Variants in ARNT2 observed in about 807,000 individuals in gnomAD.
The protein encoded by ARNT2 is aryl hydrocarbon receptor nuclear translocator 2.
A neutral mutation model predicts 91.7 loss-of-function variants in ARNT2; 36 were observed. That is an observed-to-expected ratio of 0.39 (90% CI 0.30 to 0.52). ARNT2 has a LOEUF of 0.52. Ranked by LOEUF, ARNT2 falls within the 20% of genes least tolerant of loss-of-function variation. The pLI is 0.72. For missense variants in ARNT2, 775 were observed against 939.3 expected (o/e 0.83, Z 2.29); for synonymous variants, 365 against 347.1 (o/e 1.05, Z -0.57).
intron 6 of ARNT2, among the ~76,000 whole-genome samples, chr15:80,510,790 C>CT (rs1897330480): frequency 1.3e-5 from 2 of 151,966 alleles, no homozygotes; most frequent in Admixed American, 6.5e-5. Flanking sequence ...GATCATGCCA[C>CT]GCACTCCAGC....
intron 8 of ARNT2, among the ~76,000 whole-genome samples, chr15:80,527,975 G>A (rs535717970): frequency 4.6e-5 from 7 of 152,280 alleles, no homozygotes; most frequent in Admixed American, 1.3e-4. Context: ...TACACTGAAG[G>A]TTTTAAATTA....
chr15:80,409,028 C>T (rs1223999710), intron 1 of ARNT2, among the ~76,000 whole-genome samples: 1 of 152,130 alleles, frequency 6.6e-6, no homozygotes, highest in Non-Finnish European at 1.5e-5. Context: ...CAACATTCCC[C>T]AGCAGAGTAG....
chr15:80,536,616 T>C (rs1429814590), intron 8 of ARNT2, among the ~76,000 whole-genome samples: 1 of 152,214 alleles, frequency 6.6e-6, no homozygotes, highest in Non-Finnish European at 1.5e-5. Flanking sequence ...GAAAATGATT[T>C]GGGAGCTGCT....
At chr15:80,517,309 A>G (rs1184369164) in intron 8 of ARNT2, among the ~76,000 whole-genome samples, 24 of 152,178 alleles carry the variant, frequency 1.6e-4, no homozygotes, top group Non-Finnish European at 2.9e-5. Flanking sequence ...AGAGAAGTCC[A>G]CATAATTCTC....
intron 8 of ARNT2, among the ~76,000 whole-genome samples, chr15:80,526,533 G>A (rs1850821363): frequency 6.6e-6 from 1 of 152,230 alleles, no homozygotes; most frequent in Non-Finnish European, 1.5e-5. Flanking sequence ...GAAAATGCCA[G>A]GTTAACTGGC....
intron 5 of ARNT2, among the ~76,000 whole-genome samples, chr15:80,495,038 G>A (rs2141414316): frequency 6.6e-6 from 1 of 152,244 alleles, no homozygotes; most frequent in African/African-American, 2.4e-5. Context: ...GGGCCTATTA[G>A]TCGCAATGCT....
At chr15:80,456,374 C>G (rs1274174583) in intron 2 of ARNT2, among the ~76,000 whole-genome samples, 1 of 151,830 alleles carries the variant, frequency 6.6e-6, no homozygotes, top group Non-Finnish European at 1.5e-5. Context: ...AGTTATGTAA[C>G]TCCTTTTGTT....
At chr15:80,566,410 C>A (rs1238270627) in intron 12 of ARNT2, among the ~76,000 whole-genome samples, 6 of 152,212 alleles carry the variant, frequency 3.9e-5, no homozygotes, top group African/African-American at 1.4e-4. Context: ...CCTTCCAGGG[C>A]CAAACTCTGC....
At chr15:80,420,712 G>T (rs148243950) in intron 1 of ARNT2, among the ~76,000 whole-genome samples, 152 of 152,082 alleles carry the variant, frequency 1.0e-3, no homozygotes, top group African/African-American at 3.3e-3. Flanking sequence ...GAATTAGAAT[G>T]AATATATATG....
chr15:80,522,533 A>C (rs1412388051), intron 8 of ARNT2, among the ~76,000 whole-genome samples: 1 of 152,090 alleles, frequency 6.6e-6, no homozygotes, highest in Admixed American at 6.6e-5. Flanking sequence ...CCTACTACAC[A>C]CCTAGGCTAT....
intron 8 of ARNT2, among the ~76,000 whole-genome samples, chr15:80,525,893 G>A (rs1897632655): frequency 6.6e-6 from 1 of 152,184 alleles, no homozygotes; most frequent in South Asian, 2.1e-4. Flanking sequence ...CAATAACTTG[G>A]TTAGGAAGTA....
At position 80,519,945 on chromosome 15, in the gene ARNT2, G is replaced by A. The variant is rs188484457; in HGVS notation, c.877+5540G>A. 1.5e-4 allele frequency among the ~76,000 whole-genome samples: 22 copies of A among 145,628 alleles called. No homozygotes were observed. The East Asian group carries it at 2.8e-3, about 19-fold the overall frequency. On this transcript the variant is annotated intron_variant, in intron 8 of 18. Transcript: ENST00000303329. The stretch of plus-strand genomic sequence containing the variant: ...GATCTCCTGACCTCATGCTCCGCCC[G>A]CTTTGGCCTCCCAAAGTGCTGGGAT...
chr15:80,534,767 C>A (rs1897793733), intron 8 of ARNT2, among the ~76,000 whole-genome samples: 1 of 152,178 alleles, frequency 6.6e-6, no homozygotes, highest in African/African-American at 2.4e-5. Context: ...GACGTCCTCG[C>A]ATTTGAATCA....
intron 2 of ARNT2, 107 bp from the exon 3 acceptor site, chr15:80,457,822 T>G: frequency 8.3e-7 from 1 of 1,204,626 alleles, no homozygotes; most frequent in Non-Finnish European, 1.2e-6. Context: ...TTGGGATCAA[T>G]GGATAGCAGT....
chr15:80,424,433 C>G lies in ARNT2; in HGVS notation c.31+19887C>G, dbSNP rs535317162. 1.1e-4 allele frequency among the ~76,000 whole-genome samples: 17 copies of G among 152,292 alleles called. No homozygotes were observed. In the South Asian group the frequency reaches 3.1e-3, roughly 28 times the overall value. On this transcript the variant is annotated intron_variant, in intron 1 of 18. Coordinates refer to ENST00000303329, the MANE Select transcript of ARNT2 (RefSeq NM_014862.4). ...CCCACTTTTATTGGGAAGATGTCCT[C>G]ATCCAAGATGTTCGGAGGCTGGCCC...
intron 8 of ARNT2, among the ~76,000 whole-genome samples, chr15:80,541,921 T>C (rs1012781407): frequency 6.6e-6 from 1 of 152,210 alleles, no homozygotes; most frequent in Non-Finnish European, 1.5e-5. Flanking sequence ...CCTGGTCACG[T>C]GAGTGGCAAT....
In ARNT2 at chr15:80,593,820, TCC is replaced by T; in HGVS notation, c.*126_*127del. 1 of 867,876 alleles carries T rather than the reference TCC, an allele frequency of 1.2e-6. No homozygotes were observed. The highest frequency in any genetic ancestry group is 1.8e-6 in the Non-Finnish European group (1 of 559,524). The allele number at this position is 867,876 out of a possible 1,614,324, so 53.8% of individuals were successfully genotyped here. On this transcript the variant is annotated 3_prime_UTR_variant, in exon 19 of 19. Coordinates refer to ENST00000303329, the MANE Select transcript of ARNT2 (RefSeq NM_014862.4). ...CGCAGGCCCCCCACCAGAAGCCATCTCCCCCGCTGTGTGTCCCCAGGCGCATC... is the reference window on the plus strand; with the variant it reads ...CGCAGGCCCCCCACCAGAAGCCATCTCCCGCTGTGTGTCCCCAGGCGCATC...
At chr15:80,586,097 G>A (rs1898891937) in intron 17 of ARNT2, among the ~76,000 whole-genome samples, 1 of 152,036 alleles carries the variant, frequency 6.6e-6, no homozygotes, top group South Asian at 2.1e-4. Flanking sequence ...ACTACTGCCA[G>A]GCATCTGCTT....
Position 80,555,094 on chromosome 15 carries a change from C to G in ARNT2, c.1119C>G (p.Phe373Leu). 1 of 1,614,214 alleles carries G rather than the reference C, an allele frequency of 6.2e-7. No homozygotes were observed. The highest frequency in any genetic ancestry group is 8.5e-7 in the Non-Finnish European group (1 of 1,180,046). Residue 373 changes from phenylalanine (F) to leucine (L), a missense_variant, in exon 11 of 19, where the codon TTC becomes TTG. Around this residue, in one of 5 missense-constraint regions of ARNT2, gnomAD observed 285 missense variants for 327.2 expected, o/e 0.87. Transcript: ENST00000303329. ...TTCTGGGAAAGGACATTTTGGAATT[C>G]TGCCACCCTGAGGATCAAAGCCATC... is the stretch of plus-strand genomic sequence containing the variant. ...QDLLGKDILE[F>L]CHPEDQSHLR...
Sources: allele counts gnomAD v4.1 joint callset (sites outside exome capture counted in the v4.1 genomes callset), GRCh38; gene constraint gnomAD v4.1.1; regional missense constraint gnomAD v4.1.1; transcripts MANE v1.5; gene names NCBI Gene and HGNC (gene_info 2026-07-23, HGNC 2026-07-21).